Variants in L3MBTL4 observed in about 807,000 individuals in gnomAD.
L3MBTL4 encodes lethal(3)malignant brain tumor-like protein 4.
Under a neutral mutation model 84.5 loss-of-function variants are expected in L3MBTL4, and 70 were observed. That is an observed-to-expected ratio of 0.83 (90% CI 0.68 to 1.01). L3MBTL4 has a LOEUF of 1.01. L3MBTL4 is among the 50% of genes least tolerant of loss of function. L3MBTL4 has a pLI of 0.00. For missense variants in L3MBTL4, 715 were observed against 754.8 expected, an observed-to-expected ratio of 0.95 and a Z score of 0.62; for synonymous variants, 274 against 259.8, an observed-to-expected ratio of 1.05 and a Z score of -0.52.
intron 4 of L3MBTL4, among the ~76,000 whole-genome samples, chr18:6,292,590 T>C (rs34192694): frequency 0.19 from 28,723 of 152,082 alleles, 2,848 homozygotes; most frequent in African/African-American, 0.24. Flanking sequence ...ACAACTAGGA[T>C]AGGTCCTACT....
chr18:6,392,726 G>A (rs1268511419), intron 1 of L3MBTL4, among the ~76,000 whole-genome samples: 1 of 152,120 alleles, frequency 6.6e-6, no homozygotes, highest in Admixed American at 6.5e-5. Context: ...CATCAGCCTA[G>A]GCAAAGAATT....
chr18:6,372,471 A>G (rs2054195554), intron 1 of L3MBTL4, among the ~76,000 whole-genome samples: 1 of 152,252 alleles, frequency 6.6e-6, no homozygotes, highest in Non-Finnish European at 1.5e-5. Flanking sequence ...GCAAGGTAAG[A>G]TCAAATCCCA....
chr18:6,131,162 G>A (rs1431344382), intron 14 of L3MBTL4, among the ~76,000 whole-genome samples: 1 of 152,058 alleles, frequency 6.6e-6, no homozygotes, highest in African/African-American at 2.4e-5. Context: ...AAAACACCAA[G>A]GCTTCAATAT....
intron 13 of L3MBTL4, among the ~76,000 whole-genome samples, chr18:6,158,883 G>C (rs1358887090): frequency 6.6e-6 from 1 of 152,170 alleles, no homozygotes; most frequent in Non-Finnish European, 1.5e-5. Context: ...CTGGTGTCAA[G>C]ATATAAAAGC....
intron 16 of L3MBTL4, among the ~76,000 whole-genome samples, chr18:6,045,502 G>A (rs924649516): frequency 2.6e-5 from 4 of 152,282 alleles, no homozygotes; most frequent in East Asian, 1.9e-4. Context: ...TCATAATTAC[G>A]GTGGAAGGCA....
intron 4 of L3MBTL4, among the ~76,000 whole-genome samples, chr18:6,276,446 C>A (rs546177232): frequency 7.2e-5 from 11 of 152,254 alleles, no homozygotes; most frequent in Non-Finnish European, 1.5e-4. Context: ...CCCTAAAGAG[C>A]TTGCAGCTTA....
At chr18:5,999,595 T>C (rs920608311) in intron 16 of L3MBTL4, among the ~76,000 whole-genome samples, 2 of 152,152 alleles carry the variant, frequency 1.3e-5, no homozygotes, top group African/African-American at 4.8e-5. Context: ...CTCATCCTCC[T>C]AGAATCATAC....
intron 18 of L3MBTL4, among the ~76,000 whole-genome samples, chr18:5,958,292 C>A (rs1404952792): frequency 6.6e-6 from 1 of 152,134 alleles, no homozygotes; most frequent in East Asian, 1.9e-4. Context: ...GTTTTTAAAA[C>A]CTTCCTGTGC....
chr18:6,066,862 A>G (rs931406531), intron 16 of L3MBTL4, among the ~76,000 whole-genome samples: 1 of 149,838 alleles, frequency 6.7e-6, no homozygotes, highest in African/African-American at 2.5e-5. Flanking sequence ...GTTCAGCATT[A>G]TTATTGAGAT....
intron 4 of L3MBTL4, among the ~76,000 whole-genome samples, chr18:6,292,044 TATTTA>T (rs1484344173): frequency 6.6e-6 from 1 of 152,212 alleles, no homozygotes; most frequent in Non-Finnish European, 1.5e-5. Flanking sequence ...CATGAAGACA[TATTTA>T]AAGCGATGGA....
At chr18:6,132,682 A>C (rs1015070112) in intron 14 of L3MBTL4, among the ~76,000 whole-genome samples, 6 of 152,244 alleles carry the variant, frequency 3.9e-5, no homozygotes, top group Admixed American at 6.5e-5. Flanking sequence ...AGATAAACTT[A>C]AGTCAAATAT....
At position 6,138,303 on chromosome 18, in the gene L3MBTL4, G is replaced by A. The variant is rs750109503; in HGVS notation, c.1097-7C>T. 11 of 1,579,460 alleles carry A rather than the reference G, an allele frequency of 7.0e-6. No homozygotes were observed. The East Asian group carries it at 1.6e-4, about 23-fold the overall frequency. On this transcript the variant is annotated splice_polypyrimidine_tract_variant and splice_region_variant and intron_variant, in intron 13 of 18. Transcript: ENST00000317931. ...ATCTTCAGGTCATTCGTTCCTTCAG[G>A]AAGTAAAAGAACATGCCTTGAAAAC...
chr18:6,374,309 G>A (rs535857726), intron 1 of L3MBTL4: 1 of 154,088 alleles, frequency 6.5e-6, no homozygotes, highest in Non-Finnish European at 1.5e-5. Context: ...CTGTCACGAG[G>A]ATTACATGGG....
intron 3 of L3MBTL4, among the ~76,000 whole-genome samples, chr18:6,308,726 C>T (rs2050699681): frequency 1.3e-5 from 2 of 152,036 alleles, no homozygotes; most frequent in African/African-American, 4.8e-5. Flanking sequence ...TGTATATGTG[C>T]ATAAAAGGTT....
Position 6,164,748 on chromosome 18 carries a change from C to A in L3MBTL4, c.1096+7080G>T, listed in dbSNP as rs190326767. On this transcript the variant is annotated intron_variant, in intron 13 of 18. Transcript: ENST00000317931. The stretch of plus-strand genomic sequence containing the variant: ...ATGGGTAAAAAACAGAGCAGAAAAA[C>A]CGGAAACCCTAAAAAATCAGAGTGC... Among the ~76,000 whole-genome samples, 372 of 152,324 alleles carry A rather than the reference C, an allele frequency of 2.4e-3. 2 individuals are homozygous for A. The highest frequency in any genetic ancestry group is 8.5e-3 in the African/African-American group (355 of 41,584).
chr18:6,009,909 A>G (rs938570898), intron 16 of L3MBTL4, among the ~76,000 whole-genome samples: 15 of 152,180 alleles, frequency 9.9e-5, no homozygotes, highest in Admixed American at 2.0e-4. Context: ...GAGACTACAA[A>G]CAAAGCTGCC....
intron 15 of L3MBTL4, among the ~76,000 whole-genome samples, chr18:6,090,986 A>G (rs562701606): frequency 6.6e-6 from 1 of 152,206 alleles, no homozygotes; most frequent in Admixed American, 6.5e-5. Flanking sequence ...TTTAACCCCC[A>G]TCACTATTTT....
intron 1 of L3MBTL4, among the ~76,000 whole-genome samples, chr18:6,385,159 C>G (rs942175707): frequency 1.3e-5 from 2 of 152,026 alleles, no homozygotes; most frequent in Non-Finnish European, 2.9e-5. Context: ...CCCAGCACTC[C>G]GAGAGGCCAG....
intron 1 of L3MBTL4, among the ~76,000 whole-genome samples, chr18:6,335,275 G>A (rs541626347): frequency 6.6e-6 from 1 of 152,132 alleles, no homozygotes; most frequent in Admixed American, 6.5e-5. Context: ...ATGTTTAGTA[G>A]AGACAGGGTT....
Sources: allele counts gnomAD v4.1 joint callset (sites outside exome capture counted in the v4.1 genomes callset), GRCh38; gene constraint gnomAD v4.1.1; transcripts MANE v1.5; gene names NCBI Gene and HGNC (gene_info 2026-07-23, HGNC 2026-07-21).